The following POU6F2 variants were observed in gnomAD, a reference collection of about 807,000 sequenced individuals.
POU6F2 encodes POU domain, class 6, transcription factor 2.
Under a neutral mutation model 71.3 loss-of-function variants are expected in POU6F2, and 31 were observed. The observed-to-expected ratio is 0.43, with a 90% CI of 0.33 to 0.59. The LOEUF (loss-of-function observed/expected upper bound fraction) is 0.59. POU6F2 is among the 20% of genes least tolerant of loss of function. The probability of loss-of-function intolerance (pLI) is 0.04; values close to 1 mark genes in which losing one functional copy is unlikely to be tolerated. For synonymous variants in POU6F2, 347 were observed against 355.7 expected, an observed-to-expected ratio of 0.98 and a Z score of 0.27; for missense variants, 783 against 856.8, an observed-to-expected ratio of 0.91 and a Z score of 1.07.
At chr7:39,295,843 GT>G (rs951711550) in intron 4 of POU6F2, among the ~76,000 whole-genome samples, 22 of 152,254 alleles carry the variant, frequency 1.4e-4, no homozygotes, top group African/African-American at 4.6e-4. Flanking sequence ...AATTAACCCA[GT>G]TTTATTTCAT....
At chr7:39,361,524 G>A (rs575083751) in intron 5 of POU6F2, among the ~76,000 whole-genome samples, 3 of 152,188 alleles carry the variant, frequency 2.0e-5, no homozygotes, top group East Asian at 1.9e-4. Flanking sequence ...ATGCATTTGG[G>A]GATTTTCAGA....
chr7:39,377,034 T>G (rs1256919087), intron 5 of POU6F2, among the ~76,000 whole-genome samples: 1 of 148,212 alleles, frequency 6.7e-6, no homozygotes, highest in African/African-American at 2.4e-5. Context: ...ATATATAAAG[T>G]GAATTAAAAT....
chr7:39,445,450 T>C (rs2116090553), intron 7 of POU6F2, among the ~76,000 whole-genome samples: 1 of 152,298 alleles, frequency 6.6e-6, no homozygotes, highest in South Asian at 2.1e-4. Flanking sequence ...ATTCATACTT[T>C]CTGTGCATTC....
At chr7:39,388,046 C>T (rs959365908) in intron 5 of POU6F2, among the ~76,000 whole-genome samples, 3 of 152,190 alleles carry the variant, frequency 2.0e-5, no homozygotes, top group Non-Finnish European at 2.9e-5. Flanking sequence ...AGGTTATGAC[C>T]TTTCAAAGAA....
chr7:39,099,283 C>T (rs186592037), intron 2 of POU6F2, among the ~76,000 whole-genome samples: 23 of 152,158 alleles, frequency 1.5e-4, no homozygotes, highest in East Asian at 1.3e-3. Flanking sequence ...TGTCTGTGGG[C>T]GGCAGCAAAT....
At chr7:39,114,425 T>C (rs1344947952) in intron 2 of POU6F2, among the ~76,000 whole-genome samples, 1 of 152,186 alleles carries the variant, frequency 6.6e-6, no homozygotes, top group Non-Finnish European at 1.5e-5. Context: ...AAGTGAAGAT[T>C]ATTTTAATAG....
At chr7:39,315,560 C>A (rs375952399) in intron 4 of POU6F2, among the ~76,000 whole-genome samples, 1 of 152,184 alleles carries the variant, frequency 6.6e-6, no homozygotes, top group African/African-American at 2.4e-5. Flanking sequence ...CTCCATCCTC[C>A]GGCAGGCAGC....
chr7:39,295,891 G>A (rs879621026), intron 4 of POU6F2, among the ~76,000 whole-genome samples: 11 of 152,162 alleles, frequency 7.2e-5, no homozygotes, highest in Non-Finnish European at 1.6e-4. Context: ...CTAGACCTGA[G>A]GAATCTTGGT....
intron 1 of POU6F2, among the ~76,000 whole-genome samples, chr7:39,010,513 C>G (rs900903600): frequency 1.3e-5 from 2 of 150,802 alleles, no homozygotes; most frequent in Non-Finnish European, 3.0e-5. Context: ...TTTTTTGTGT[C>G]TCTATTTCCT....
intron 1 of POU6F2, among the ~76,000 whole-genome samples, chr7:38,992,380 A>T (rs1052551370): frequency 6.6e-6 from 1 of 152,228 alleles, no homozygotes; most frequent in Non-Finnish European, 1.5e-5. Context: ...CTTCTCAGCC[A>T]TGGTTCCTTA....
intron 3 of POU6F2, 142 bp from the exon 4 acceptor site, chr7:39,207,250 A>ATT: frequency 1.9e-5 from 12 of 635,942 alleles, no homozygotes; most frequent in African/African-American, 3.7e-5. Context: ...TCTACCAATC[A>ATT]TTTTTTTTTA....
chr7:39,019,011 T>C (rs1425577975), intron 1 of POU6F2, among the ~76,000 whole-genome samples: 1 of 152,156 alleles, frequency 6.6e-6, no homozygotes, highest in Non-Finnish European at 1.5e-5. Flanking sequence ...TCTTGGAATT[T>C]CCTTTCATTT....
chr7:39,443,220 A>G (rs1222500772), intron 7 of POU6F2, among the ~76,000 whole-genome samples: 1 of 152,192 alleles, frequency 6.6e-6, no homozygotes, highest in Admixed American at 6.5e-5. Flanking sequence ...AACTGGAAAA[A>G]AAAGCCAGCT....
chr7:39,134,514 T>C (rs1792352071), intron 2 of POU6F2, among the ~76,000 whole-genome samples: 1 of 152,222 alleles, frequency 6.6e-6, no homozygotes, highest in African/African-American at 2.4e-5. Flanking sequence ...TCATTCTGTC[T>C]TTACATTGGA....
At chr7:39,119,574 T>C (rs553784712) in intron 2 of POU6F2, among the ~76,000 whole-genome samples, 7 of 152,120 alleles carry the variant, frequency 4.6e-5, no homozygotes, top group African/African-American at 1.4e-4. Context: ...GTGGCTAAAA[T>C]AGATAATCAA....
At chr7:39,312,504 A>AC (rs1562786393) in intron 4 of POU6F2, among the ~76,000 whole-genome samples, 1 of 152,202 alleles carries the variant, frequency 6.6e-6, no homozygotes, top group Non-Finnish European at 1.5e-5. Flanking sequence ...TAAAGCCACT[A>AC]CAGGAGTTCC....
Position 39,403,442 on chromosome 7 carries a change from G to A in POU6F2, c.973-3158G>A, listed in dbSNP as rs569345450. 2.0e-5 allele frequency among the ~76,000 whole-genome samples: 3 copies of A among 152,256 alleles called. No homozygotes were observed. In the South Asian group the frequency reaches 6.2e-4, roughly 32 times the overall value. ...TTTTAAGCTAGTCTGTTGAAAACAA[G>A]ACCATGTATTACAGTCAGACTTCAT... On this transcript the variant is annotated intron_variant, in intron 5 of 9. Transcript: ENST00000518318.
intron 1 of POU6F2, among the ~76,000 whole-genome samples, chr7:38,990,794 G>A (rs1487424237): frequency 6.6e-6 from 1 of 152,092 alleles, no homozygotes; most frequent in African/African-American, 2.4e-5. Flanking sequence ...AAACAGATAA[G>A]CTGAGCCTTG....
At chr7:39,342,500 G>A (rs989264429) in intron 5 of POU6F2, among the ~76,000 whole-genome samples, 1 of 152,044 alleles carries the variant, frequency 6.6e-6, no homozygotes, top group African/African-American at 2.4e-5. Context: ...ATTTTCATGT[G>A]GGCTTTATCT....
Sources: gnomAD v4.1 joint callset for allele counts (sites outside exome capture counted in the v4.1 genomes callset) on GRCh38, gnomAD v4.1.1 for gene constraint, MANE v1.5 for transcripts, NCBI Gene and HGNC (gene_info 2026-07-23, HGNC 2026-07-21) for gene names.